The following NLGN4Y variants were observed in gnomAD, a reference collection of about 807,000 sequenced individuals.
The protein encoded by NLGN4Y is neuroligin 4 Y-linked.
NLGN4Y carries 4 observed loss-of-function variants against 8.4 expected under a neutral mutation model. That is an observed-to-expected ratio of 0.48 (90% CI 0.23 to 1.09). The LOEUF is 1.09. Ranked by LOEUF, NLGN4Y falls within the 50% of genes least tolerant of loss-of-function variation. The probability of loss-of-function intolerance (pLI) is 0.19; values close to 1 mark genes in which losing one functional copy is unlikely to be tolerated. For synonymous variants in NLGN4Y, 35 were observed against 75.6 expected (o/e 0.46, Z 2.78); for missense variants, 90 against 192.3 (o/e 0.47, Z 3.15).
chrY:14,748,561 G>A, intron 4 of NLGN4Y: 24 of 169,566 alleles, frequency 1.4e-4, no homozygotes, highest in Non-Finnish European at 3.5e-5. Context: ...CTATCCTCAC[G>A]GATTTTCTAG....
chrY:14,805,100 A>G, intron 4 of NLGN4Y, among the ~76,000 whole-genome samples: 2 of 33,267 alleles, frequency 6.0e-5, no homozygotes, highest in Admixed American at 5.5e-4. Flanking sequence ...ATGTTTGTGA[A>G]GAGTGCAATA....
intron 2 of NLGN4Y, among the ~76,000 whole-genome samples, chrY:14,672,081 A>C (rs975814390): frequency 9.2e-5 from 3 of 32,748 alleles, no homozygotes; most frequent in Non-Finnish European, 1.5e-4. Flanking sequence ...ACTTGGAATC[A>C]TTTTGCTTTT....
intron 4 of NLGN4Y, among the ~76,000 whole-genome samples, chrY:14,814,607 GT>G: frequency 3.0e-5 from 1 of 33,177 alleles, no homozygotes; most frequent in Non-Finnish European, 7.4e-5. Context: ...GATTTCACAA[GT>G]CTTTTCCTGT....
At chrY:14,673,674 A>G in intron 2 of NLGN4Y, among the ~76,000 whole-genome samples, 1 of 33,576 alleles carries the variant, frequency 3.0e-5, no homozygotes, top group Admixed American at 2.7e-4. Context: ...CCATCCCATT[A>G]CTGGGTATAT....
chrY:14,551,053 G>A, intron 1 of NLGN4Y, among the ~76,000 whole-genome samples: 2 of 32,634 alleles, frequency 6.1e-5, no homozygotes, highest in Non-Finnish European at 1.5e-4. Context: ...CCTGTCTCAC[G>A]TGCAGAAATA....
intron 4 of NLGN4Y, among the ~76,000 whole-genome samples, chrY:14,785,409 A>G: frequency 2.9e-5 from 1 of 34,135 alleles, no homozygotes; most frequent in Non-Finnish European, 7.3e-5. Context: ...CAAAGACTGT[A>G]CAAAATATTT....
chrY:14,680,392 CTGGGG>C (rs2080764469), intron 2 of NLGN4Y, among the ~76,000 whole-genome samples: 1 of 32,960 alleles, frequency 3.0e-5, no homozygotes, highest in African/African-American at 1.2e-4. Flanking sequence ...CCTGTGTGGC[CTGGGG>C]TGAATTAATA....
At chrY:14,679,304 T>TG (rs2080760485) in intron 2 of NLGN4Y, among the ~76,000 whole-genome samples, 2 of 32,673 alleles carry the variant, frequency 6.1e-5, no homozygotes, top group African/African-American at 1.2e-4. Flanking sequence ...CCACTGCGTC[T>TG]GGCCTCTGAA....
chrY:14,760,941 T>G (rs2081078091), intron 4 of NLGN4Y, among the ~76,000 whole-genome samples: 1 of 33,931 alleles, frequency 2.9e-5, no homozygotes, highest in South Asian at 6.5e-4. Context: ...ATTAACAAGA[T>G]GAATTTAAAA....
intron 1 of NLGN4Y, among the ~76,000 whole-genome samples, chrY:14,578,849 A>G (rs2080307020): frequency 2.9e-5 from 1 of 34,109 alleles, no homozygotes; most frequent in African/African-American, 1.1e-4. Flanking sequence ...TGTTTTCACC[A>G]AATGTTAAAA....
chrY:14,536,472 C>T, intron 1 of NLGN4Y, among the ~76,000 whole-genome samples: 1 of 32,035 alleles, frequency 3.1e-5, no homozygotes, highest in Non-Finnish European at 7.5e-5. Flanking sequence ...TGGTCTCGAT[C>T]TCCTGACCTC....
intron 4 of NLGN4Y, among the ~76,000 whole-genome samples, chrY:14,770,435 G>A: frequency 1.5e-4 from 5 of 32,946 alleles, no homozygotes; most frequent in South Asian, 6.8e-4. Context: ...CCTCCAGCAC[G>A]CCCCAGCAGA....
At chrY:14,644,312 G>A (rs770217726) in intron 2 of NLGN4Y, among the ~76,000 whole-genome samples, 11 of 32,208 alleles carry the variant, frequency 3.4e-4, no homozygotes, top group Non-Finnish European at 6.0e-4. Context: ...ACATCTGGGA[G>A]GAGTATGTAT....
At chrY:14,756,546 G>A in intron 4 of NLGN4Y, among the ~76,000 whole-genome samples, 2 of 29,326 alleles carry the variant, frequency 6.8e-5, no homozygotes, top group Non-Finnish European at 1.6e-4. Flanking sequence ...TCAGGAGTTC[G>A]ACACCAGCCT....
chrY:14,630,637 C>T (rs2080545326), intron 2 of NLGN4Y, among the ~76,000 whole-genome samples: 1 of 33,259 alleles, frequency 3.0e-5, no homozygotes, highest in Non-Finnish European at 7.4e-5. Context: ...TGAAGTATTA[C>T]TCTGAAAACG....
intron 4 of NLGN4Y, among the ~76,000 whole-genome samples, chrY:14,726,995 G>A: frequency 6.1e-5 from 2 of 32,696 alleles, no homozygotes; most frequent in Non-Finnish European, 1.5e-4. Context: ...TGAGATGCAC[G>A]AATCAGTGGA....
intron 1 of NLGN4Y, among the ~76,000 whole-genome samples, chrY:14,572,608 G>A: frequency 6.1e-5 from 2 of 32,532 alleles, no homozygotes; most frequent in Admixed American, 5.7e-4. Flanking sequence ...CTGCCTGATT[G>A]CCCTGGCCAG....
intron 4 of NLGN4Y, among the ~76,000 whole-genome samples, chrY:14,802,697 A>T (rs1377360105): frequency 1.8e-4 from 2 of 11,052 alleles, no homozygotes; most frequent in African/African-American, 7.5e-4. Context: ...AATTTAAATA[A>T]ATTTAAATTA....
intron 2 of NLGN4Y, among the ~76,000 whole-genome samples, chrY:14,703,005 GT>G: frequency 6.0e-5 from 2 of 33,066 alleles, no homozygotes; most frequent in African/African-American, 2.4e-4. Context: ...TTTTTGATGG[GT>G]TTTTTTGTTT....
Sources: allele counts gnomAD v4.1 joint callset (sites outside exome capture counted in the v4.1 genomes callset), GRCh38; gene constraint gnomAD v4.1.1; transcripts MANE v1.5; gene names NCBI Gene and HGNC (gene_info 2026-07-23, HGNC 2026-07-21).